Variants in NPAS3 observed in about 807,000 individuals in gnomAD.
The protein encoded by NPAS3 is neuronal PAS domain protein 3.
NPAS3 carries 14 observed loss-of-function variants against 73.1 expected under a neutral mutation model. That is an observed-to-expected ratio of 0.19 (90% CI 0.13 to 0.30). The LOEUF (loss-of-function observed/expected upper bound fraction) is 0.30. Among genes scored for constraint, NPAS3 ranks in the 10% least tolerant of loss-of-function variants. The pLI is 1.00. For synonymous variants in NPAS3, 620 were observed against 541.5 expected, an observed-to-expected ratio of 1.14 and a Z score of -2.01; for missense variants, 1,096 against 1,250.0, an observed-to-expected ratio of 0.88 and a Z score of 1.86.
chr14:33,147,730 A>AAATATATATATATATAT (rs372663411), intron 2 of NPAS3, among the ~76,000 whole-genome samples: 10 of 130,360 alleles, frequency 7.7e-5, no homozygotes, highest in African/African-American at 3.2e-4. Flanking sequence ...TAGAATAAAA[A>AAATATATATATATATAT]ATATATATAT....
intron 4 of NPAS3, among the ~76,000 whole-genome samples, chr14:33,454,742 C>T (rs1566918034): frequency 6.6e-6 from 1 of 152,140 alleles, no homozygotes; most frequent in Admixed American, 6.5e-5. Flanking sequence ...TTCTTTTCTA[C>T]CGCTCAACTA....
chr14:33,110,411 G>A (rs188976319), intron 2 of NPAS3, among the ~76,000 whole-genome samples: 4 of 152,262 alleles, frequency 2.6e-5, no homozygotes, highest in Admixed American at 2.0e-4. Flanking sequence ...TGGTTAAACA[G>A]TTTTTACAAT....
chr14:33,220,400 T>C (rs1218217116), intron 3 of NPAS3, among the ~76,000 whole-genome samples: 1 of 152,238 alleles, frequency 6.6e-6, no homozygotes, highest in Admixed American at 6.5e-5. Context: ...AAATGTGATG[T>C]ATTTGCCTTT....
intron 1 of NPAS3, among the ~76,000 whole-genome samples, chr14:33,039,786 G>T (rs2040290552): frequency 6.6e-6 from 1 of 152,216 alleles, no homozygotes; most frequent in Non-Finnish European, 1.5e-5. Flanking sequence ...TCAATAGCAG[G>T]CATGGTACAT....
chr14:33,377,157 T>A (rs2046346612), intron 4 of NPAS3, among the ~76,000 whole-genome samples: 1 of 152,184 alleles, frequency 6.6e-6, no homozygotes, highest in African/African-American at 2.4e-5. Flanking sequence ...TATTTGGTGA[T>A]AACAATGTAT....
intron 1 of NPAS3, among the ~76,000 whole-genome samples, chr14:33,032,164 T>C (rs1400865768): frequency 6.6e-6 from 1 of 152,162 alleles, no homozygotes; most frequent in African/African-American, 2.4e-5. Flanking sequence ...GAATGCAAGA[T>C]AAATGTAGGA....
intron 6 of NPAS3, among the ~76,000 whole-genome samples, chr14:33,682,530 A>T (rs1167435913): frequency 6.6e-6 from 1 of 152,334 alleles, no homozygotes; most frequent in East Asian, 1.9e-4. Flanking sequence ...TACAAGGACT[A>T]CCTTGCCAAA....
intron 1 of NPAS3, among the ~76,000 whole-genome samples, chr14:33,041,493 A>G (rs553859759): frequency 1.3e-5 from 2 of 152,276 alleles, no homozygotes; most frequent in South Asian, 2.1e-4. Flanking sequence ...ATTACATACC[A>G]TTTTCTTCTT....
At chr14:33,553,206 A>AG (rs1245979669) in intron 4 of NPAS3, among the ~76,000 whole-genome samples, 2 of 152,216 alleles carry the variant, frequency 1.3e-5, no homozygotes, top group Non-Finnish European at 2.9e-5. Context: ...AGCATCCCAG[A>AG]GGAAAAAGTC....
chr14:33,172,533 C>T (rs903129490), intron 2 of NPAS3, among the ~76,000 whole-genome samples: 4 of 152,024 alleles, frequency 2.6e-5, no homozygotes, highest in African/African-American at 4.8e-5. Flanking sequence ...CTTAGGAATT[C>T]GAGGCTATCC....
intron 7 of NPAS3, among the ~76,000 whole-genome samples, chr14:33,754,881 T>A (rs913469251): frequency 1.1e-4 from 16 of 152,294 alleles, no homozygotes; most frequent in Middle Eastern, 3.4e-3. Context: ...CTGGACTGTC[T>A]GAAGTTATTT....
At chr14:33,276,458 A>G (rs934010632) in intron 3 of NPAS3, among the ~76,000 whole-genome samples, 2 of 152,140 alleles carry the variant, frequency 1.3e-5, no homozygotes, top group Non-Finnish European at 2.9e-5. Flanking sequence ...ATTATGAACA[A>G]TAATATTTAT....
chr14:33,721,884 A>C (rs2061123348), intron 6 of NPAS3, among the ~76,000 whole-genome samples: 1 of 152,178 alleles, frequency 6.6e-6, no homozygotes, highest in South Asian at 2.1e-4. Context: ...TTAGGGATAA[A>C]TGCAATAATA....
At chr14:33,719,155 G>A (rs1164081016) in intron 6 of NPAS3, among the ~76,000 whole-genome samples, 5 of 152,054 alleles carry the variant, frequency 3.3e-5, no homozygotes, top group Admixed American at 6.6e-5. Context: ...CCTGGCCTAC[G>A]ACACAAACTT....
At chr14:33,445,169 T>G (rs941053209) in intron 4 of NPAS3, among the ~76,000 whole-genome samples, 1 of 152,252 alleles carries the variant, frequency 6.6e-6, no homozygotes, top group East Asian at 1.9e-4. Flanking sequence ...TTGTTCTCCA[T>G]GCATGAGTCA....
chr14:33,390,009 T>A (rs2046933365), intron 4 of NPAS3, among the ~76,000 whole-genome samples: 1 of 151,084 alleles, frequency 6.6e-6, no homozygotes, highest in Non-Finnish European at 1.5e-5. Context: ...GAAAGAATTT[T>A]ATTCTTCAGA....
chr14:33,241,796 G>A (rs1241968899), intron 3 of NPAS3, among the ~76,000 whole-genome samples: 4 of 151,972 alleles, frequency 2.6e-5, no homozygotes, highest in South Asian at 2.1e-4. Flanking sequence ...GTAGAAATAT[G>A]TTTTATAATT....
chr14:33,425,927 C>G (rs1461392297), intron 4 of NPAS3, among the ~76,000 whole-genome samples: 1 of 152,026 alleles, frequency 6.6e-6, no homozygotes, highest in Non-Finnish European at 1.5e-5. Flanking sequence ...TGGGTGGGAC[C>G]TAGCAGTGTG....
chr14:33,673,882 G>A (rs2059679938), intron 5 of NPAS3, among the ~76,000 whole-genome samples: 1 of 152,226 alleles, frequency 6.6e-6, no homozygotes. Flanking sequence ...CAGGTTATGA[G>A]TCCAAGTAGT....
Sources: gnomAD v4.1 joint callset for allele counts (sites outside exome capture counted in the v4.1 genomes callset) on GRCh38, gnomAD v4.1.1 for gene constraint, MANE v1.5 for transcripts, NCBI Gene and HGNC (gene_info 2026-07-23, HGNC 2026-07-21) for gene names.